Variants in GABARAP observed in about 807,000 individuals in gnomAD.
The protein encoded by GABARAP is GABA type A receptor-associated protein.
GABARAP carries 5 observed loss-of-function variants against 16.7 expected under a neutral mutation model. The ratio of observed to expected loss-of-function variants is 0.30; its 90% CI spans 0.16 to 0.63. The LOEUF (loss-of-function observed/expected upper bound fraction) is 0.63, where lower values mean the gene tolerates loss of function less well. Ranked by LOEUF, GABARAP falls within the 20% of genes least tolerant of loss-of-function variation. GABARAP has a pLI of 0.82. For missense variants in GABARAP, 84 were observed against 146.6 expected (o/e 0.57, Z 2.21); for synonymous variants, 45 against 52.7 (o/e 0.85, Z 0.64).
At chr17:7,241,700 A>AG (rs1352408519) in intron 1 of GABARAP, 21 bp from the exon 2 acceptor site, 1 of 1,439,128 alleles carries the variant, frequency 6.9e-7, no homozygotes, top group African/African-American at 1.4e-5. Flanking sequence ...GATGAAAATT[A>AG]GGAGACAGAA....
At chr17:7,241,122 G>A in intron 3 of GABARAP, 1 of 678,620 alleles carries the variant, frequency 1.5e-6, no homozygotes, top group Non-Finnish European at 2.7e-6. Context: ...TGGGGAGGGG[G>A]ACTGGGAAGA....
Position 7,242,211 on chromosome 17 carries a change from C to T in GABARAP, c.90+30G>A, listed in dbSNP as rs760544575. 1.4e-5 allele frequency: 21 copies of T among 1,532,340 alleles called. 1 individual carries two copies. The highest frequency in any genetic ancestry group is 1.5e-5 in the Non-Finnish European group (17 of 1,106,492). The allele number at this position is 1,532,340 out of a possible 1,614,324, so 94.9% of individuals were successfully genotyped here. The stretch of plus-strand genomic sequence containing the variant: ...GGCTGTGGCGTCAGCGTAAGCGTCC[C>T]GCGCCCTCGGCCCTGGCTACTGTCC... On this transcript the variant is annotated intron_variant, in intron 1 of 3. Transcript: ENST00000302386.
intron 1 of GABARAP, 81 bp downstream of exon 1, chr17:7,242,160 G>C: frequency 2.0e-6 from 2 of 980,432 alleles, no homozygotes; most frequent in Admixed American, 2.2e-5. Context: ...CCTGATCCCT[G>C]CGCTGCCTGT....
chr17:7,241,560 AC>A, intron 2 of GABARAP, 40 bp downstream of exon 2: 1 of 1,470,604 alleles, frequency 6.8e-7, no homozygotes, highest in South Asian at 1.1e-5. Context: ...CTGCACTCCC[AC>A]CCACAGGAAG....
chr17:7,241,489 C>T (rs1346403323), intron 2 of GABARAP, 29 bp from the exon 3 acceptor site: 3 of 1,382,480 alleles, frequency 2.2e-6, no homozygotes, highest in Non-Finnish European at 3.1e-6. Context: ...GCAAGAAAGT[C>T]ACAGAGGTCA....
At chr17:7,241,723 C>T (rs1477528584) in intron 1 of GABARAP, 44 bp from the exon 2 acceptor site, 5 of 1,143,814 alleles carry the variant, frequency 4.4e-6, no homozygotes, top group Non-Finnish European at 6.7e-6. Context: ...AATGCAGCCC[C>T]GAAGCTGCAC....
chr17:7,241,937 T>A lies in GABARAP; in HGVS notation c.91-258A>T. 6.7e-6 allele frequency: 4 copies of A among 594,856 alleles called. No individual in the cohort carries two copies. The South Asian group carries it at 8.2e-5, about 12-fold the overall frequency. 36.8% of individuals were successfully genotyped at this position (594,856 alleles called of 1,614,324 possible). A position where few individuals can be genotyped will look rare whatever the true frequency, so the allele number is the denominator to read the frequency against. On this transcript the variant is annotated intron_variant, in intron 1 of 3. Transcript: ENST00000302386. ...ATCAGACGGAGGTGACTTGTTTGGG[T>A]CGACTAGTGATTCAATCTCGCAACC... is the stretch of plus-strand genomic sequence containing the variant.
intron 3 of GABARAP, 114 bp downstream of exon 3, chr17:7,241,228 C>T (rs2071775065): frequency 2.7e-6 from 2 of 741,156 alleles, no homozygotes; most frequent in Admixed American, 1.9e-5. Context: ...TATTATGAAA[C>T]TTTAAGGCAA....
intron 2 of GABARAP, 58 bp downstream of exon 2, chr17:7,241,543 G>A: frequency 1.5e-6 from 2 of 1,377,490 alleles, no homozygotes; most frequent in Non-Finnish European, 2.1e-6. Context: ...GCCTCCTCCC[G>A]CAGAGACTGC....
intron 1 of GABARAP, 141 bp downstream of exon 1, chr17:7,242,099 TC>T (rs2071784261): frequency 1.5e-6 from 1 of 651,748 alleles, no homozygotes; most frequent in Non-Finnish European, 2.8e-6. Flanking sequence ...TCATCCTGGG[TC>T]CCAAGGACAG....
rs1450113076 is a variant in GABARAP, at chr17:7,240,554, G to T, written c.*300C>A. 3.3e-6 allele frequency: 1 copy of T among 302,216 alleles called. No homozygotes were observed. Among genetic ancestry groups the T allele is most frequent in the Non-Finnish European group, 6.3e-6 (1 of 159,500 alleles). 18.7% of individuals were successfully genotyped at this position (302,216 alleles called of 1,614,324 possible). On this transcript the variant is annotated 3_prime_UTR_variant, in exon 4 of 4. Transcript: ENST00000302386. ...GGGTTCTGAGCCCCTTGGGCAGTCAGAAAGGGAACAGAAACCAAAACAATC... is the reference window on the plus strand; with the variant it reads ...GGGTTCTGAGCCCCTTGGGCAGTCATAAAGGGAACAGAAACCAAAACAATC...
chr17:7,242,234 T>C lies in GABARAP; in HGVS notation c.90+7A>G. The C allele has an allele frequency of 6.2e-7, 1 of 1,609,176 alleles. No individual in the cohort carries two copies. Among genetic ancestry groups the C allele is most frequent in the Non-Finnish European group, 8.5e-7 (1 of 1,175,764 alleles). Reference sequence around the variant, plus strand: ...CCCGCGCCCTCGGCCCTGGCTACTGTCCTCACCGGCACCCGGTCCGGGTAT... The same window carrying C: ...CCCGCGCCCTCGGCCCTGGCTACTGCCCTCACCGGCACCCGGTCCGGGTAT... On this transcript the variant is annotated splice_region_variant and intron_variant, in intron 1 of 3. Coordinates refer to ENST00000302386, the MANE Select transcript of GABARAP (RefSeq NM_007278.2).
intron 1 of GABARAP, 188 bp from the exon 2 acceptor site, chr17:7,241,867 C>A: frequency 1.6e-6 from 1 of 607,280 alleles, no homozygotes; most frequent in Non-Finnish European, 2.9e-6. Context: ...TTTAAATATC[C>A]AGGATCCATC....
rs2071767554 is a variant in GABARAP, at chr17:7,240,761, G to A, written c.*93C>T. The A allele has an allele frequency of 1.2e-6, 1 of 806,216 alleles. No homozygotes were observed. Among genetic ancestry groups the A allele is most frequent in the South Asian group, 1.4e-5 (1 of 71,354 alleles). The allele number at this position is 806,216 out of a possible 1,614,324, so 49.9% of individuals were successfully genotyped here. ...AGTGCCGGTCCTGAATAAGGGAGGT[G>A]GTGTTTGAGCTTGAAGGAGGAGGAG... On this transcript the variant is annotated 3_prime_UTR_variant, in exon 4 of 4. Transcript: ENST00000302386.
At chr17:7,242,027 T>A (rs966145985) in intron 1 of GABARAP, 3 of 600,136 alleles carry the variant, frequency 5.0e-6, no homozygotes, top group African/African-American at 1.9e-5. Context: ...CCTCAAATGC[T>A]AAGGTTTCTC....
rs758495758 is a variant in GABARAP, at chr17:7,241,657, T to C, written c.113A>G (p.Lys38Arg). 2 of 1,610,090 alleles carry C rather than the reference T, an allele frequency of 1.2e-6. No individual in the cohort carries two copies. Among genetic ancestry groups the C allele is most frequent in the South Asian group, 2.2e-5 (2 of 90,990 alleles). The change falls in exon 2 of 4, where the codon AAA becomes AGA. Residue 38 changes from lysine (K) to arginine (R), a missense_variant. By Grantham distance (26) the Lys-to-Arg change is conservative. Transcript: ENST00000302386. ...TTTGTCCAGGTCTCCTATCCGAGCT[T>C]TGGGAGCCTTTTCTACTATCACCTG... ...RVPVIVEKAP[K>R]ARIGDLDKKK... is the part of the protein sequence containing the mutation.
intron 1 of GABARAP, 98 bp downstream of exon 1, chr17:7,242,143 C>A (rs769705532): frequency 2.7e-5 from 24 of 885,198 alleles, no homozygotes; most frequent in Non-Finnish European, 4.0e-5. Flanking sequence ...CCCACCACAG[C>A]CAGCAGCCTG....
chr17:7,242,373 C>A lies in GABARAP; in HGVS notation c.-43G>T, dbSNP rs2071786705. The A allele has an allele frequency of 6.7e-7, 1 of 1,488,316 alleles. No homozygotes were observed. Among genetic ancestry groups the A allele is most frequent in the African/African-American group, 1.4e-5 (1 of 72,336 alleles). The allele number at this position is 1,488,316 out of a possible 1,614,324, so 92.2% of individuals were successfully genotyped here. A position where few individuals can be genotyped will look rare whatever the true frequency, so the allele number is the denominator to read the frequency against. On this transcript the variant is annotated 5_prime_UTR_variant, in exon 1 of 4. Coordinates refer to ENST00000302386, the MANE Select transcript of GABARAP (RefSeq NM_007278.2). ...TGGACAGGGCTGGGCTGAGGGAACC[C>A]AGGGGGGCCGGGACGGGGGGCGGCG...
chr17:7,241,151 C>T, intron 3 of GABARAP, 191 bp downstream of exon 3: 1 of 680,836 alleles, frequency 1.5e-6, no homozygotes, highest in Non-Finnish European at 2.7e-6. Context: ...CAGATAGTTT[C>T]TCTAGCTCAC....
Sources: gnomAD v4.1 joint callset for allele counts on GRCh38, gnomAD v4.1.1 for gene constraint, MANE v1.5 for transcripts, NCBI Gene and HGNC (gene_info 2026-07-23, HGNC 2026-07-21) for gene names.